The following SH3BP2 variants were observed in gnomAD, a reference collection of about 807,000 sequenced individuals.
The protein encoded by SH3BP2 is SH3 domain-binding protein 2.
In SH3BP2, 38 loss-of-function variants were observed where a neutral mutation model predicts 56.2. That is an observed-to-expected ratio of 0.68 (90% CI 0.52 to 0.89). SH3BP2 has a LOEUF of 0.89. SH3BP2 is among the 40% of genes least tolerant of loss of function. SH3BP2 has a pLI of 0.00. For synonymous variants in SH3BP2, 346 were observed against 316.7 expected, an observed-to-expected ratio of 1.09 and a Z score of -0.98; for missense variants, 748 against 762.6, an observed-to-expected ratio of 0.98 and a Z score of 0.23.
chr4:2,801,150 G>GC (rs1322798684), intron 1 of SH3BP2, among the ~76,000 whole-genome samples: 1 of 152,096 alleles, frequency 6.6e-6, no homozygotes, highest in East Asian at 1.9e-4. Flanking sequence ...GTGCAGAGAG[G>GC]CTGCGGCAGA....
In SH3BP2 at chr4:2,832,340, G is replaced by C. The variant is rs201375256; in HGVS notation, c.1416G>C (p.Lys472Asn). 1.8e-5 allele frequency: 29 copies of C among 1,614,000 alleles called. No homozygotes were observed. Among genetic ancestry groups the C allele is most frequent in the Non-Finnish European group, 8.5e-7 (1 of 1,179,888 alleles). Residue 472 changes from lysine to asparagine, a missense_variant, in exon 11 of 13, where the codon AAG (lysine) becomes AAC (asparagine). Physicochemically the swap from Lys to Asn is moderately conservative, Grantham distance 94. Transcript: ENST00000503393. The stretch of plus-strand genomic sequence containing the variant: ...GACTGTCTTATTTTAGGTTGTTCAA[G>C]GCTACAAGCCCCCGGGGAGAGCCCC... ...TESCEVERLF[K>N]ATSPRGEPQD...
Position 2,821,614 on chromosome 4 carries a change from T to C in SH3BP2, c.136+861T>C, listed in dbSNP as rs192890757. 5.1e-4 allele frequency among the ~76,000 whole-genome samples: 78 copies of C among 152,142 alleles called. No homozygotes were observed. The East Asian group carries it at 0.01, about 20-fold the overall frequency. On this transcript the variant is annotated intron_variant, in intron 2 of 12. Coordinates refer to ENST00000503393, the MANE Select transcript of SH3BP2 (RefSeq NM_001122681.2). ...TTGCTCTGTTGCCCAAGCTGGAGTG[T>C]AGTGGCGTGATCATGGCTCACTGCA... is the stretch of plus-strand genomic sequence containing the variant.
chr4:2,826,619 C>T, intron 5 of SH3BP2: 3 of 286,122 alleles, frequency 1.0e-5, no homozygotes, highest in South Asian at 5.1e-5. Flanking sequence ...TTTGTGTGTG[C>T]ATGTCTGCGT....
chr4:2,814,040 T>G (rs1253046193), intron 1 of SH3BP2, among the ~76,000 whole-genome samples: 1 of 152,198 alleles, frequency 6.6e-6, no homozygotes, highest in Non-Finnish European at 1.5e-5. Flanking sequence ...TGTGGTCACA[T>G]GAGGTGCTGG....
Position 2,829,718 on chromosome 4 carries a change from C to A in SH3BP2, c.812C>A (p.Pro271His). The A allele has an allele frequency of 1.2e-6, 2 of 1,612,862 alleles. No individual in the cohort carries two copies. Among genetic ancestry groups the A allele is most frequent in the East Asian group, 4.5e-5 (2 of 44,852 alleles). ...PRRAEPCPRV[P>H]ATPRRMSDPP... ...CGGGCTGAGCCTTGCCCCAGGGTACCTGCTACCCCCCGAAGGATGAGCGAT... is the reference window on the plus strand; with the variant it reads ...CGGGCTGAGCCTTGCCCCAGGGTACATGCTACCCCCCGAAGGATGAGCGAT... The change falls in exon 8 of 13, where the codon CCT becomes CAT. Residue 271 changes from proline (P) to histidine (H), a missense_variant. Pro to His is a moderately conservative substitution (Grantham distance 77, BLOSUM62 -2). This residue lies in a region of SH3BP2 where 635 missense variants were observed against 615.0 expected (regional missense o/e 1.03). Transcript: ENST00000503393. This position sits in a 1 kb window ranked among gnomAD's most constrained non-coding sequence, Gnocchi z 4.9.
intron 1 of SH3BP2, chr4:2,798,979 C>T: frequency 1.0e-6 from 1 of 985,762 alleles, no homozygotes; most frequent in African/African-American, 1.7e-5. Flanking sequence ...GGAGTGGCCC[C>T]CCAGGAGCTG....
In SH3BP2 at chr4:2,833,902, C is replaced by T; in HGVS notation, c.*68C>T. 2 of 1,479,856 alleles carry T rather than the reference C, an allele frequency of 1.4e-6. No individual in the cohort carries two copies. The highest frequency in any genetic ancestry group is 1.8e-6 in the Non-Finnish European group (2 of 1,107,208). The allele number at this position is 1,479,856 out of a possible 1,614,324, so 91.7% of individuals were successfully genotyped here. A position where few individuals can be genotyped will look rare whatever the true frequency, so the allele number is the denominator to read the frequency against. ...CCTGACCCCAGGCCACACAGACGGA[C>T]ATGGGCCCACATGGGAGGGTGAGCA... On this transcript the variant is annotated 3_prime_UTR_variant, in exon 13 of 13. Coordinates refer to ENST00000503393, the MANE Select transcript of SH3BP2 (RefSeq NM_001122681.2).
intron 1 of SH3BP2, among the ~76,000 whole-genome samples, chr4:2,806,563 C>CG (rs1723542206): frequency 6.6e-6 from 1 of 152,172 alleles, no homozygotes; most frequent in Non-Finnish European, 1.5e-5. Context: ...GTGGCTTCCC[C>CG]CAGACCCACC....
At chr4:2,794,845 T>C (rs1723010045) in intron 1 of SH3BP2, among the ~76,000 whole-genome samples, 1 of 152,124 alleles carries the variant, frequency 6.6e-6, no homozygotes, top group African/African-American at 2.4e-5. Flanking sequence ...CCCCCAGGGA[T>C]GCACGCACAC....
Position 2,830,058 on chromosome 4 carries a change from GCCT to G in SH3BP2, c.1156_1158del (p.Pro386del), listed in dbSNP as rs1303791404. The G allele has an allele frequency of 4.3e-6, 7 of 1,611,516 alleles. No individual in the cohort carries two copies. Among genetic ancestry groups the G allele is most frequent in the African/African-American group, 1.3e-5 (1 of 74,936 alleles). ...TCTTTGTGCCCCCCGTGGCTCCCCG[GCCT>G]CCTGCGCTGAAGCTGCCAGTGCCTG... On this transcript the variant is annotated inframe_deletion, in exon 8 of 13. Transcript: ENST00000503393.
intron 8 of SH3BP2, 146 bp downstream of exon 8, chr4:2,830,293 G>A: frequency 1.4e-6 from 1 of 717,188 alleles, no homozygotes; most frequent in Non-Finnish European, 2.3e-6. Flanking sequence ...GTTCCCGGTT[G>A]CCTCCAGTCC....
chr4:2,802,801 T>C (rs1389592085), intron 1 of SH3BP2, among the ~76,000 whole-genome samples: 1 of 151,860 alleles, frequency 6.6e-6, no homozygotes, highest in Non-Finnish European at 1.5e-5. Context: ...CTGAAATGAG[T>C]GGACAGAGGG....
chr4:2,806,524 G>C (rs933465621), intron 1 of SH3BP2, among the ~76,000 whole-genome samples: 2 of 152,206 alleles, frequency 1.3e-5, no homozygotes, highest in Admixed American at 1.3e-4. Flanking sequence ...AGACTGGAGA[G>C]TGGCTCCAGG....
At chr4:2,797,648 G>T (rs1250277076) in intron 1 of SH3BP2, among the ~76,000 whole-genome samples, 1 of 152,134 alleles carries the variant, frequency 6.6e-6, no homozygotes, top group Non-Finnish European at 1.5e-5. Flanking sequence ...GCCTTCCTGA[G>T]CCCCCAGCCT....
In SH3BP2 at chr4:2,827,264, G is replaced by A. The variant is rs766158687; in HGVS notation, c.463G>A (p.Ala155Thr). Residue 155 changes from alanine (A) to threonine (T), a missense_variant, in exon 6 of 13, where the codon GCA becomes ACA. Coordinates refer to ENST00000503393, the MANE Select transcript of SH3BP2 (RefSeq NM_001122681.2). Reference protein sequence around the residue: ...SSSDTDSFYGAVERPVDISLS... With the variant: ...SSSDTDSFYGTVERPVDISLS... ...CTCGGACACAGACAGCTTCTACGGC[G>A]CAGTTGAGCGGCCTGTGGATATCAG... The A allele has an allele frequency of 1.1e-5, 17 of 1,614,072 alleles. No homozygotes were observed. The highest frequency in any genetic ancestry group is 2.2e-5 in the South Asian group (2 of 91,096).
intron 8 of SH3BP2, 68 bp downstream of exon 8, chr4:2,830,215 C>T: frequency 3.5e-6 from 5 of 1,430,252 alleles, no homozygotes; most frequent in South Asian, 1.3e-5. Flanking sequence ...CTCTGACGGG[C>T]ACTCTGCCCA....
chr4:2,803,356 C>A (rs541100158), intron 1 of SH3BP2, among the ~76,000 whole-genome samples: 1 of 152,296 alleles, frequency 6.6e-6, no homozygotes, highest in African/African-American at 2.4e-5. Flanking sequence ...GTTATCTCGC[C>A]CTGGTGCTGG....
At chr4:2,833,136 CGGG>C in intron 12 of SH3BP2, 87 bp downstream of exon 12, 1 of 1,232,334 alleles carries the variant, frequency 8.1e-7, no homozygotes, top group Non-Finnish European at 1.2e-6. Flanking sequence ...GCATAGGCAG[CGGG>C]TAGACTGAGA....
Position 2,833,861 on chromosome 4 carries a change from A to G in SH3BP2, c.*27A>G. On this transcript the variant is annotated 3_prime_UTR_variant, in exon 13 of 13. Transcript: ENST00000503393. Reference sequence around the variant, plus strand: ...GGCAGTCCATGTGGCTGCCAGGCCAAGGCAGTCACAGGGGCCCTGACCCCA... The same window carrying G: ...GGCAGTCCATGTGGCTGCCAGGCCAGGGCAGTCACAGGGGCCCTGACCCCA... The G allele has an allele frequency of 6.5e-7, 1 of 1,541,526 alleles. No homozygotes were observed. Among genetic ancestry groups the G allele is most frequent in the South Asian group, 1.2e-5 (1 of 84,554 alleles).
Sources: gnomAD v4.1 joint callset for allele counts (sites outside exome capture counted in the v4.1 genomes callset) on GRCh38, gnomAD v4.1.1 for gene constraint, gnomAD v4.1.1 regional missense constraint, Gnocchi (gnomAD v3.1) non-coding constraint, MANE v1.5 for transcripts, NCBI Gene and HGNC (gene_info 2026-07-23, HGNC 2026-07-21) for gene names.